OR51B5: variants seen among roughly 807,000 people sequenced by gnomAD.
OR51B5 encodes the protein olfactory receptor 51B5.
For synonymous variants in OR51B5, 186 were observed against 144.8 expected (o/e 1.28, Z -2.04); for missense variants, 456 against 374.6 (o/e 1.22, Z -1.79).
At chr11:5,484,288 C>A (rs1041349196) in intron 1 of OR51B5, among the ~76,000 whole-genome samples, 1 of 152,176 alleles carries the variant, frequency 6.6e-6, no homozygotes, top group African/African-American at 2.4e-5. Context: ...TACTCAAGTT[C>A]AATATCGTTT....
chr11:5,428,724 G>T (rs1169755087), intron 1 of OR51B5, among the ~76,000 whole-genome samples: 1 of 152,144 alleles, frequency 6.6e-6, no homozygotes, highest in Non-Finnish European at 1.5e-5. Context: ...TCATTTCTGG[G>T]CATAGGCCAA....
At chr11:5,378,248 G>C (rs111571165) in intron 1 of OR51B5, among the ~76,000 whole-genome samples, 1 of 152,034 alleles carries the variant, frequency 6.6e-6, no homozygotes, top group African/African-American at 2.4e-5. Flanking sequence ...TGGGAGAACT[G>C]GCTAGCCATA....
chr11:5,468,519 T>C (rs1851173070), intron 1 of OR51B5: 1 of 368,306 alleles, frequency 2.7e-6, no homozygotes, highest in South Asian at 2.0e-5. Flanking sequence ...TCTTGTGTAG[T>C]CTCCTGCGAA....
chr11:5,481,521 G>A (rs1851419818), intron 1 of OR51B5, among the ~76,000 whole-genome samples: 1 of 145,050 alleles, frequency 6.9e-6, no homozygotes, highest in African/African-American at 2.8e-5. Flanking sequence ...CAATTAGGCA[G>A]GAGAAGGAAA....
intron 1 of OR51B5, among the ~76,000 whole-genome samples, chr11:5,478,731 C>A (rs1240248948): frequency 2.0e-5 from 3 of 151,050 alleles, no homozygotes; most frequent in Non-Finnish European, 4.4e-5. Flanking sequence ...CCTCAGGAGC[C>A]GATGCGATCA....
At chr11:5,343,125 G>T (rs1564911985) in exon 1 of OR51B5, 2 of 1,613,536 alleles carry the variant, frequency 1.2e-6, no homozygotes, top group Non-Finnish European at 1.7e-6. Context: ...GTATTAGTAA[G>T]TACAGAGGTA....
chr11:5,356,088 T>A (rs753302301), intron 1 of OR51B5, among the ~76,000 whole-genome samples: 1 of 152,094 alleles, frequency 6.6e-6, no homozygotes, highest in Non-Finnish European at 1.5e-5. Context: ...TCCAAAGGAA[T>A]GCAGCTCCTC....
intron 1 of OR51B5, among the ~76,000 whole-genome samples, chr11:5,438,399 A>C (rs1850622284): frequency 6.7e-6 from 1 of 150,242 alleles, no homozygotes; most frequent in Non-Finnish European, 1.5e-5. Flanking sequence ...CTCTGTGCTC[A>C]GAACCCAGAG....
intron 1 of OR51B5, among the ~76,000 whole-genome samples, chr11:5,437,193 C>T (rs1232691616): frequency 6.6e-6 from 1 of 152,044 alleles, no homozygotes; most frequent in Non-Finnish European, 1.5e-5. Flanking sequence ...GAGACAAATT[C>T]TCCAAACTTC....
intron 1 of OR51B5, among the ~76,000 whole-genome samples, chr11:5,424,176 T>C (rs1185305510): frequency 3.3e-5 from 5 of 152,130 alleles, no homozygotes; most frequent in Non-Finnish European, 7.4e-5. Context: ...TAGATTTGAA[T>C]CAACATAGGC....
intron 1 of OR51B5, among the ~76,000 whole-genome samples, chr11:5,408,649 G>A (rs1157295211): frequency 6.6e-6 from 1 of 152,046 alleles, no homozygotes; most frequent in African/African-American, 2.4e-5. Context: ...TACAAGACCA[G>A]CCTGTGATCA....
intron 1 of OR51B5, chr11:5,351,568 G>C: frequency 6.2e-7 from 1 of 1,614,054 alleles, no homozygotes; most frequent in Non-Finnish European, 8.5e-7. Context: ...CATGGAGAAG[G>C]CACATCACTG....
At chr11:5,381,903 C>T (rs960028693) in intron 1 of OR51B5, among the ~76,000 whole-genome samples, 8 of 152,288 alleles carry the variant, frequency 5.3e-5, no homozygotes, top group Middle Eastern at 3.4e-3. Context: ...TATTAGAGAT[C>T]TCTAAATGGT....
chr11:5,500,319 G>A (rs985812550), intron 1 of OR51B5, among the ~76,000 whole-genome samples: 1 of 152,126 alleles, frequency 6.6e-6, no homozygotes, highest in African/African-American at 2.4e-5. Context: ...TAAGTAAAAG[G>A]ATTAACAAAA....
chr11:5,482,583 G>C (rs1851440535), intron 1 of OR51B5, among the ~76,000 whole-genome samples: 1 of 121,548 alleles, frequency 8.2e-6, no homozygotes, highest in Non-Finnish European at 1.7e-5. Context: ...TACAAAATGG[G>C]AGAAAATTTT....
At chr11:5,490,531 A>C (rs1349281733) in intron 1 of OR51B5, among the ~76,000 whole-genome samples, 1 of 152,162 alleles carries the variant, frequency 6.6e-6, no homozygotes, top group African/African-American at 2.4e-5. Context: ...GCCAGCCCCA[A>C]ATCCAAGTTC....
chr11:5,405,977 A>G (rs900328055), intron 1 of OR51B5, among the ~76,000 whole-genome samples: 2 of 152,216 alleles, frequency 1.3e-5, no homozygotes, highest in Non-Finnish European at 2.9e-5. Context: ...TAAATAAGAC[A>G]GTGATTATTT....
rs537463878 is a variant in OR51B5, at chr11:5,377,259, A to C, written n.85-30349T>G. 2.9e-3 allele frequency among the ~76,000 whole-genome samples: 443 copies of C among 152,278 alleles called. 1 individual carries two copies. The highest frequency in any genetic ancestry group is 0.01 in the African/African-American group (419 of 41,546). ...GAAAAGGCCTTTGACAAAATTCAAC[A>C]ACCCTTCATGCTAAAAACTTTCAAT... On this transcript the variant is annotated intron_variant and non_coding_transcript_variant, in intron 1 of 4. Transcript: ENST00000415970.
At chr11:5,372,215 A>C (rs1849458263) in intron 1 of OR51B5, among the ~76,000 whole-genome samples, 1 of 152,212 alleles carries the variant, frequency 6.6e-6, no homozygotes, top group African/African-American at 2.4e-5. Flanking sequence ...ATTGTGAATA[A>C]TGCTGCAATT....
Sources: gnomAD v4.1 joint callset for allele counts (sites outside exome capture counted in the v4.1 genomes callset) on GRCh38, gnomAD v4.1.1 for gene constraint, MANE v1.5 for transcripts, NCBI Gene and HGNC (gene_info 2026-07-23, HGNC 2026-07-21) for gene names.